DNAI4: variants seen among roughly 807,000 people sequenced by gnomAD.
DNAI4 encodes WD repeat domain 78.
Under a neutral mutation model 105.8 loss-of-function variants are expected in DNAI4, and 85 were observed. The observed-to-expected ratio is 0.80, with a 90% CI of 0.67 to 0.96. The LOEUF (loss-of-function observed/expected upper bound fraction) is 0.96, where lower values mean the gene tolerates loss of function less well. Among genes scored for constraint, DNAI4 ranks in the 40% least tolerant of loss-of-function variants. The pLI is 0.00. For missense variants in DNAI4, 1,014 were observed against 1,005.6 expected, an observed-to-expected ratio of 1.01 and a Z score of -0.11; for synonymous variants, 352 against 331.5, an observed-to-expected ratio of 1.06 and a Z score of -0.67.
chr1:66,859,346 C>T (rs763201371), intron 7 of DNAI4, among the ~76,000 whole-genome samples: 1 of 119,572 alleles, frequency 8.4e-6, no homozygotes, highest in African/African-American at 3.6e-5. Flanking sequence ...TCACTCATTG[C>T]TAATGGATGC....
chr1:66,866,743 A>G (rs773493639), intron 6 of DNAI4, among the ~76,000 whole-genome samples: 3 of 152,222 alleles, frequency 2.0e-5, no homozygotes, highest in Non-Finnish European at 4.4e-5. Context: ...GGTTGGATGT[A>G]GTATCTAGAC....
chr1:66,908,461 C>T (rs925476085), intron 1 of DNAI4, among the ~76,000 whole-genome samples: 1 of 152,220 alleles, frequency 6.6e-6, no homozygotes, highest in Non-Finnish European at 1.5e-5. Context: ...TCCTGTGCCC[C>T]AGAACCTACT....
At chr1:66,848,761 A>G (rs1572644570) in intron 7 of DNAI4, among the ~76,000 whole-genome samples, 1 of 152,324 alleles carries the variant, frequency 6.6e-6, no homozygotes, top group Non-Finnish European at 1.5e-5. Flanking sequence ...CAGGCAAGAA[A>G]AAAATCCCCA....
chr1:66,852,347 T>C (rs1572650803), intron 7 of DNAI4, among the ~76,000 whole-genome samples: 1 of 151,774 alleles, frequency 6.6e-6, no homozygotes, highest in African/African-American at 2.4e-5. Flanking sequence ...TTTCCAAAAA[T>C]AGAAAAGGAA....
chr1:66,814,231 G>C (rs780474446), intron 16 of DNAI4, 51 bp from the exon 17 acceptor site: 1 of 1,400,228 alleles, frequency 7.1e-7, no homozygotes, highest in Admixed American at 2.0e-5. Flanking sequence ...CAAATTAAAA[G>C]GTAAAGTAGT....
chr1:66,826,279 T>C (rs1645750979), intron 15 of DNAI4, among the ~76,000 whole-genome samples: 1 of 149,620 alleles, frequency 6.7e-6, no homozygotes, highest in Admixed American at 6.6e-5. Flanking sequence ...TTTGAGGAGA[T>C]GAGTAAGGTA....
At chr1:66,910,066 G>T (rs980151263) in intron 1 of DNAI4, among the ~76,000 whole-genome samples, 1 of 151,954 alleles carries the variant, frequency 6.6e-6, no homozygotes, top group South Asian at 2.1e-4. Flanking sequence ...CACATGTAAG[G>T]GTTGGGCACA....
In DNAI4 at chr1:66,924,794, G is replaced by A. The variant is rs1305216603; in HGVS notation, c.38C>T (p.Ala13Val). Reference sequence around the variant, plus strand: ...GTACCCCCAAGCTCCTCCGTTAGCGGCTCGGGCCGAGGCTCCGGAATGTTT... The same window carrying A: ...GTACCCCCAAGCTCCTCCGTTAGCGACTCGGGCCGAGGCTCCGGAATGTTT... ...PGKHSGASAR[A>V]ANGGAWGYRD... Residue 13 changes from alanine (A) to valine (V), a missense_variant, in exon 1 of 17, where the codon GCC becomes GTC. Ala to Val is a moderately conservative substitution (Grantham distance 64, BLOSUM62 0). Transcript: ENST00000371026. 2 of 1,614,180 alleles carry A rather than the reference G, an allele frequency of 1.2e-6. No homozygotes were observed. The highest frequency in any genetic ancestry group is 1.1e-5 in the South Asian group (1 of 91,084).
chr1:66,825,456 C>T (rs1358120210), intron 15 of DNAI4, among the ~76,000 whole-genome samples: 2 of 152,114 alleles, frequency 1.3e-5, no homozygotes, highest in Non-Finnish European at 2.9e-5. Flanking sequence ...GCTGGGATTA[C>T]AGGCGTGAGC....
chr1:66,850,380 G>T (rs1646371946), intron 7 of DNAI4, among the ~76,000 whole-genome samples: 1 of 151,350 alleles, frequency 6.6e-6, no homozygotes, highest in Admixed American at 6.6e-5. Flanking sequence ...GAATAAAGAG[G>T]AAATTAAGAT....
intron 1 of DNAI4, among the ~76,000 whole-genome samples, chr1:66,923,241 A>G (rs1231401716): frequency 6.6e-6 from 1 of 152,246 alleles, no homozygotes; most frequent in Non-Finnish European, 1.5e-5. Context: ...CATTTAGTGT[A>G]CTTACACAAA....
chr1:66,892,299 G>T (rs2100766130), intron 3 of DNAI4, among the ~76,000 whole-genome samples: 1 of 152,234 alleles, frequency 6.6e-6, no homozygotes, highest in African/African-American at 2.4e-5. Flanking sequence ...TAATTGCTGT[G>T]TATTATAAAA....
rs1246073768 is a variant in DNAI4 at position 66,890,385 on chromosome 1, T to C, written c.643+769A>G. The C allele has an allele frequency of 3.9e-5, 6 of 152,008 alleles. No homozygotes were observed. The highest frequency in any genetic ancestry group is 1.5e-4 in the African/African-American group (6 of 41,162). The allele number at this position is 152,008 out of a possible 1,614,324, so 9.4% of individuals were successfully genotyped here. A position where few individuals can be genotyped will look rare whatever the true frequency, so the allele number is the denominator to read the frequency against. Reference sequence around the variant, plus strand: ...GCTGAGGCAGGCAAATCATTTGAGGTCAGAAGTTTGAAACCAGCCTGGCCA... The same window carrying C: ...GCTGAGGCAGGCAAATCATTTGAGGCCAGAAGTTTGAAACCAGCCTGGCCA... On this transcript the variant is annotated intron_variant, in intron 4 of 16. Transcript: ENST00000371026. This position sits in a 1 kb window ranked among gnomAD's most constrained non-coding sequence, Gnocchi z 4.1.
chr1:66,836,686 C>T (rs1319720539), intron 10 of DNAI4, among the ~76,000 whole-genome samples: 1 of 152,226 alleles, frequency 6.6e-6, no homozygotes, highest in Non-Finnish European at 1.5e-5. Flanking sequence ...AATCCCTCCA[C>T]ATTTAAAATT....
intron 7 of DNAI4, among the ~76,000 whole-genome samples, chr1:66,860,361 T>C (rs1051357372): frequency 6.6e-6 from 1 of 152,036 alleles, no homozygotes; most frequent in African/African-American, 2.4e-5. Context: ...ATGGACCATA[T>C]TTAACTTTTT....
chr1:66,836,220 GAGAGAGAGAGAGAGAAAGAA>G (rs1557908479), intron 10 of DNAI4, among the ~76,000 whole-genome samples: 20 of 89,494 alleles, frequency 2.2e-4, no homozygotes, highest in East Asian at 9.7e-4. Flanking sequence ...GAGAGAGAGA[GAGAGAGAGAGAGAGAAAGAA>G]AGAAAGAGAG....
intron 4 of DNAI4, among the ~76,000 whole-genome samples, chr1:66,879,092 G>T (rs997565169): frequency 1.8e-4 from 27 of 152,096 alleles, no homozygotes; most frequent in African/African-American, 6.5e-4. Context: ...TTGGGTTTTA[G>T]TAAAGGCATG....
At chr1:66,842,585 C>T (rs1360854483) in intron 8 of DNAI4, among the ~76,000 whole-genome samples, 1 of 151,958 alleles carries the variant, frequency 6.6e-6, no homozygotes, top group Non-Finnish European at 1.5e-5. Context: ...TAAGTAGAGC[C>T]AGGGTTTCAC....
intron 1 of DNAI4, among the ~76,000 whole-genome samples, chr1:66,907,251 T>C (rs1182385868): frequency 6.6e-6 from 1 of 152,228 alleles, no homozygotes; most frequent in Non-Finnish European, 1.5e-5. Context: ...CAGATTCGTT[T>C]CTGTCATACC....
Sources: allele counts gnomAD v4.1 joint callset (sites outside exome capture counted in the v4.1 genomes callset), GRCh38; gene constraint gnomAD v4.1.1; non-coding constraint Gnocchi (gnomAD v3.1); transcripts MANE v1.5; gene names NCBI Gene and HGNC (gene_info 2026-07-23, HGNC 2026-07-21).